Variants in CAB39L observed in about 807,000 individuals in gnomAD.
CAB39L encodes calcium binding protein 39 like, also known as calcium-binding protein 39-like.
CAB39L carries 23 observed loss-of-function variants against 39.1 expected under a neutral mutation model. That is an observed-to-expected ratio of 0.59 (90% CI 0.42 to 0.83). The LOEUF is 0.83. Among genes scored for constraint, CAB39L ranks in the 40% least tolerant of loss-of-function variants. The pLI is 0.00. For missense variants in CAB39L, 366 were observed against 391.9 expected, an observed-to-expected ratio of 0.93 and a Z score of 0.56; for synonymous variants, 126 against 137.2, an observed-to-expected ratio of 0.92 and a Z score of 0.57.
chr13:49,410,536 C>A (rs530170346), intron 3 of CAB39L, among the ~76,000 whole-genome samples: 35 of 151,952 alleles, frequency 2.3e-4, no homozygotes, highest in African/African-American at 8.5e-4. Context: ...TGCTCTGAAG[C>A]CAAGAAGAAA....
At chr13:49,421,938 G>T (rs914002010) in intron 3 of CAB39L, among the ~76,000 whole-genome samples, 3 of 152,016 alleles carry the variant, frequency 2.0e-5, no homozygotes, top group Non-Finnish European at 4.4e-5. Flanking sequence ...ATACACAAAT[G>T]TCCAAGTTTC....
At position 49,440,601 on chromosome 13, in the gene CAB39L, T is replaced by G. The variant is rs547586432; in HGVS notation, c.-246+3385A>C. On this transcript the variant is annotated intron_variant, in intron 1 of 10. Transcript: ENST00000409308. ...ATTCTAATGATATTGATTCTTCCAA[T>G]CCATGAGCATGGAGTGTTTTTCCAT... 2.0e-4 allele frequency among the ~76,000 whole-genome samples: 30 copies of G among 152,070 alleles called. No individual in the cohort carries two copies. In the South Asian group the frequency reaches 6.0e-3, roughly 31 times the overall value.
intron 10 of CAB39L, among the ~76,000 whole-genome samples, chr13:49,329,960 T>C (rs887671234): frequency 2.0e-5 from 3 of 152,162 alleles, no homozygotes; most frequent in Non-Finnish European, 4.4e-5. Context: ...TATCTAATTA[T>C]CTGCCTACTT....
intron 8 of CAB39L, among the ~76,000 whole-genome samples, chr13:49,341,623 A>G (rs1955009807): frequency 1.3e-5 from 2 of 152,198 alleles, no homozygotes; most frequent in African/African-American, 2.4e-5. Flanking sequence ...ACTGGTTAAC[A>G]GGTATAAAAA....
intron 10 of CAB39L, among the ~76,000 whole-genome samples, chr13:49,314,431 A>G (rs1954093629): frequency 6.6e-6 from 1 of 152,130 alleles, no homozygotes; most frequent in Non-Finnish European, 1.5e-5. Flanking sequence ...AAGTGCCTGA[A>G]CTGAATTCAA....
intron 10 of CAB39L, among the ~76,000 whole-genome samples, chr13:49,328,662 CA>C (rs1015505889): frequency 3.3e-5 from 5 of 152,036 alleles, no homozygotes; most frequent in Non-Finnish European, 7.4e-5. Flanking sequence ...GAGACCTCAT[CA>C]CTGCAAATAA....
chr13:49,403,324 C>T (rs2138662387), intron 3 of CAB39L, among the ~76,000 whole-genome samples: 2 of 151,892 alleles, frequency 1.3e-5, no homozygotes, highest in Middle Eastern at 6.8e-3. Context: ...AAAAGTAAGC[C>T]CCGAAAGGAT....
In CAB39L at chr13:49,308,892, G is replaced by C. The variant is rs560457613; in HGVS notation, c.*1922C>G. ...GAAAGGTACTGAGCTGGGATAATGG[G>C]TTGCTAGGAAAGAGCTAATGCAAGC... is the stretch of plus-strand genomic sequence containing the variant. On this transcript the variant is annotated 3_prime_UTR_variant, in exon 11 of 11. Coordinates refer to ENST00000409308, the MANE Select transcript of CAB39L (RefSeq NM_001079670.3). 5.9e-5 allele frequency: 9 copies of C among 152,378 alleles called. No individual in the cohort carries two copies. In the South Asian group the frequency reaches 1.9e-3, roughly 32 times the overall value. The allele number at this position is 152,378 out of a possible 1,614,324, so 9.4% of individuals were successfully genotyped here. A position where few individuals can be genotyped will look rare whatever the true frequency, so the allele number is the denominator to read the frequency against.
chr13:49,395,397 G>A (rs944681485), intron 3 of CAB39L, among the ~76,000 whole-genome samples: 1 of 151,734 alleles, frequency 6.6e-6, no homozygotes, highest in African/African-American at 2.4e-5. Context: ...CACCACGTTC[G>A]GCTATTTTTG....
intron 3 of CAB39L, among the ~76,000 whole-genome samples, chr13:49,385,041 C>A (rs992805932): frequency 9.9e-5 from 15 of 152,206 alleles, no homozygotes; most frequent in African/African-American, 3.6e-4. Flanking sequence ...GGCACTGACT[C>A]CTCCTTTCTA....
intron 3 of CAB39L, among the ~76,000 whole-genome samples, chr13:49,399,023 C>G (rs1365457894): frequency 3.9e-5 from 6 of 152,074 alleles, no homozygotes; most frequent in Non-Finnish European, 8.8e-5. Context: ...GTTCACATCT[C>G]ACAATTCAGT....
chr13:49,433,269 G>T, intron 3 of CAB39L, 49 bp downstream of exon 3: 2 of 416,514 alleles, frequency 4.8e-6, no homozygotes, highest in Non-Finnish European at 4.7e-6. Context: ...TAGTCTACAC[G>T]TCTGTCGAGA....
chr13:49,342,576 C>G (rs1220841756), intron 8 of CAB39L, among the ~76,000 whole-genome samples: 1 of 152,136 alleles, frequency 6.6e-6, no homozygotes, highest in Non-Finnish European at 1.5e-5. Context: ...AGGCACTAGA[C>G]TGGGTGATGG....
At chr13:49,390,153 T>C (rs1030805241) in intron 3 of CAB39L, among the ~76,000 whole-genome samples, 1 of 152,116 alleles carries the variant, frequency 6.6e-6, no homozygotes, top group Non-Finnish European at 1.5e-5. Flanking sequence ...TCCCAAAGTG[T>C]TGGGGTTACA....
intron 5 of CAB39L, among the ~76,000 whole-genome samples, chr13:49,371,240 T>C (rs1955909337): frequency 6.9e-6 from 1 of 145,880 alleles, no homozygotes; most frequent in Non-Finnish European, 1.5e-5. Flanking sequence ...CAGGCAGAAG[T>C]GCAATGGTGC....
At chr13:49,407,102 T>A (rs1014286103) in intron 3 of CAB39L, among the ~76,000 whole-genome samples, 1 of 151,196 alleles carries the variant, frequency 6.6e-6, no homozygotes, top group Non-Finnish European at 1.5e-5. Context: ...TGTAGTTCAA[T>A]GGAGTTGTCT....
chr13:49,369,682 G>A (rs1005939181), intron 5 of CAB39L, among the ~76,000 whole-genome samples: 15 of 151,866 alleles, frequency 9.9e-5, no homozygotes, highest in African/African-American at 3.6e-4. Context: ...CCACCTGCCA[G>A]GTTCAAGTGA....
At chr13:49,405,739 A>G (rs1385461331) in intron 3 of CAB39L, among the ~76,000 whole-genome samples, 2 of 135,452 alleles carry the variant, frequency 1.5e-5, no homozygotes, top group Non-Finnish European at 3.2e-5. Flanking sequence ...GGAAGGAAGG[A>G]AGGAAGGAAG....
rs139709509 is a variant in CAB39L at position 49,355,959 on chromosome 13, T to C, written c.395+3755A>G. On this transcript the variant is annotated intron_variant, in intron 6 of 10. Coordinates refer to ENST00000409308, the MANE Select transcript of CAB39L (RefSeq NM_001079670.3). The stretch of plus-strand genomic sequence containing the variant: ...CAGAGTATTCTAACACCTGAAGCTG[T>C]GGTGGGTGAATGACAGTATTCTCTA... Among the ~76,000 whole-genome samples the C allele has an allele frequency of 2.3e-4, 35 of 152,282 alleles. 1 individual carries two copies. The East Asian group carries it at 6.4e-3, about 28-fold the overall frequency.
Sources: gnomAD v4.1 joint callset for allele counts (sites outside exome capture counted in the v4.1 genomes callset) on GRCh38, gnomAD v4.1.1 for gene constraint, MANE v1.5 for transcripts, NCBI Gene and HGNC (gene_info 2026-07-23, HGNC 2026-07-21) for gene names.